ZNF430: variants seen among roughly 807,000 people sequenced by gnomAD.
The protein encoded by ZNF430 is zinc finger protein 430.
In ZNF430, 35 loss-of-function variants were observed where a neutral mutation model predicts 56.7. The ratio of observed to expected loss-of-function variants is 0.62; its 90% CI spans 0.47 to 0.82. ZNF430 has a LOEUF of 0.82. Ranked by LOEUF, ZNF430 falls within the 40% of genes least tolerant of loss-of-function variation. The pLI, the probability that ZNF430 is intolerant of heterozygous loss-of-function variation, is 0.00. For missense variants in ZNF430, 574 were observed against 661.0 expected (o/e 0.87, Z 1.44); for synonymous variants, 212 against 224.3 (o/e 0.94, Z 0.49).
intron 1 of ZNF430, among the ~76,000 whole-genome samples, chr19:21,022,398 T>C (rs1967708638): frequency 1.3e-5 from 2 of 152,220 alleles, no homozygotes; most frequent in South Asian, 4.1e-4. Flanking sequence ...TTATCACCTA[T>C]TTGTCCTTTA....
chr19:21,031,072 T>C (rs930945024), intron 2 of ZNF430, among the ~76,000 whole-genome samples: 1 of 152,048 alleles, frequency 6.6e-6, no homozygotes, highest in African/African-American at 2.4e-5. Flanking sequence ...TTAGTAGAGA[T>C]GAGGTTACAC....
At chr19:21,023,299 C>T (rs923312305) in intron 2 of ZNF430, among the ~76,000 whole-genome samples, 3 of 152,126 alleles carry the variant, frequency 2.0e-5, no homozygotes, top group South Asian at 4.1e-4. Flanking sequence ...GAGTCAGACA[C>T]ATCTGTTTTT....
intron 1 of ZNF430, 94 bp downstream of exon 1, chr19:21,020,897 C>T (rs917789998): frequency 6.5e-7 from 1 of 1,546,774 alleles, no homozygotes; most frequent in African/African-American, 1.4e-5. Flanking sequence ...TCCCGGCAGT[C>T]AGCTGCACAA....
rs1224025266 is a variant in ZNF430, at chr19:21,057,827, C to T, written c.1519C>T (p.His507Tyr). 3 of 1,613,940 alleles carry T rather than the reference C, an allele frequency of 1.9e-6. No individual in the cohort carries two copies. The South Asian group carries it at 3.3e-5, about 18-fold the overall frequency. The stretch of plus-strand genomic sequence containing the variant: ...AAACCTTACTAAACATAAGATAACT[C>T]ATATTGGAGATACATCTTACAAATA... ...FSNLTKHKIT[H>Y]IGDTSYKYLE... Residue 507 changes from histidine to tyrosine, a missense_variant, in exon 5 of 5, where the codon CAT becomes TAT. His to Tyr is a moderately conservative substitution (Grantham distance 83). This residue lies in a region of ZNF430 where 213 missense variants were observed against 221.0 expected (regional missense o/e 0.96). Coordinates refer to ENST00000261560, the MANE Select transcript of ZNF430 (RefSeq NM_025189.4).
At chr19:21,045,017 A>G (rs1381704213) in intron 4 of ZNF430, among the ~76,000 whole-genome samples, 4 of 152,160 alleles carry the variant, frequency 2.6e-5, no homozygotes, top group Non-Finnish European at 5.9e-5. Context: ...TGTTTTCAAA[A>G]AAAATAGCTC....
In ZNF430 at chr19:21,058,539, A is replaced by G. The variant is rs11880964; in HGVS notation, c.*518A>G. Reference sequence around the variant, plus strand: ...TTGACAACACCTAAAACTTTTAAACATAAAAAATCATACTGGTGAGAAATC... The same window carrying G: ...TTGACAACACCTAAAACTTTTAAACGTAAAAAATCATACTGGTGAGAAATC... On this transcript the variant is annotated 3_prime_UTR_variant, in exon 5 of 5. Transcript: ENST00000261560. 0.045 allele frequency: 7,376 copies of G among 162,870 alleles called. 573 individuals carry two copies. The highest frequency in any genetic ancestry group is 0.17 in the African/African-American group (6,946 of 41,508). 10.1% of individuals were successfully genotyped at this position (162,870 alleles called of 1,614,324 possible).
chr19:21,029,524 A>G (rs961581829), intron 2 of ZNF430, among the ~76,000 whole-genome samples: 1 of 152,250 alleles, frequency 6.6e-6, no homozygotes, highest in Non-Finnish European at 1.5e-5. Flanking sequence ...TAGGAAAAAC[A>G]GAACTGGAAA....
intron 2 of ZNF430, among the ~76,000 whole-genome samples, chr19:21,025,380 G>T (rs953010991): frequency 6.6e-6 from 1 of 152,116 alleles, no homozygotes; most frequent in Non-Finnish European, 1.5e-5. Context: ...TCCCATCTTG[G>T]TTTTGGTGAG....
Position 21,020,733 on chromosome 19 carries a change from T to C in ZNF430, c.-68T>C. ...TCTGCTCCTAGAGGTCCAGGCTCTGTGGCCCTGTGACCCGCAGGTATTGGG... is the reference window on the plus strand; with the variant it reads ...TCTGCTCCTAGAGGTCCAGGCTCTGCGGCCCTGTGACCCGCAGGTATTGGG... On this transcript the variant is annotated 5_prime_UTR_variant, in exon 1 of 5. Coordinates refer to ENST00000261560, the MANE Select transcript of ZNF430 (RefSeq NM_025189.4). The C allele has an allele frequency of 6.3e-7, 1 of 1,599,700 alleles. No individual in the cohort carries two copies. Among genetic ancestry groups the C allele is most frequent in the Non-Finnish European group, 8.6e-7 (1 of 1,167,660 alleles).
intron 2 of ZNF430, among the ~76,000 whole-genome samples, chr19:21,031,527 T>C (rs185885316): frequency 6.6e-6 from 1 of 152,228 alleles, no homozygotes; most frequent in East Asian, 1.9e-4. Context: ...ACTTTTATAT[T>C]CATAGAGCAG....
intron 4 of ZNF430, among the ~76,000 whole-genome samples, chr19:21,043,995 T>A (rs1236060303): frequency 6.7e-6 from 1 of 150,224 alleles, no homozygotes. Flanking sequence ...GCTTTTGGGC[T>A]GACATTGGGG....
At chr19:21,056,428 G>T (rs965363780) in intron 4 of ZNF430, among the ~76,000 whole-genome samples, 1 of 151,504 alleles carries the variant, frequency 6.6e-6, no homozygotes, top group Non-Finnish European at 1.5e-5. Flanking sequence ...GGCGGAGGTG[G>T]CAGTGAGCAG....
At chr19:21,046,594 A>G (rs984654890) in intron 4 of ZNF430, among the ~76,000 whole-genome samples, 1 of 152,058 alleles carries the variant, frequency 6.6e-6, no homozygotes, top group East Asian at 1.9e-4. Flanking sequence ...TCCTTTACTT[A>G]TGAAGCTTAG....
In ZNF430 at chr19:21,057,726, C is replaced by G. The variant is rs1968406353; in HGVS notation, c.1418C>G (p.Thr473Ser). The G allele has an allele frequency of 6.2e-7, 1 of 1,605,132 alleles. No individual in the cohort carries two copies. The change falls in exon 5 of 5, where the codon ACT becomes AGT. Residue 473 changes from threonine to serine, a missense_variant. Thr to Ser is a moderately conservative substitution (Grantham distance 58, BLOSUM62 1). This residue lies in a region of ZNF430 where 213 missense variants were observed against 221.0 expected (regional missense o/e 0.96). Coordinates refer to ENST00000261560, the MANE Select transcript of ZNF430 (RefSeq NM_025189.4). ...GCCTTTAACCGGTCCCCAAAACTTA[C>G]TGCACATAAGGTAATTCATTCTGGA... ...GKAFNRSPKL[T>S]AHKVIHSGEK...
At chr19:21,020,857 G>A in intron 1 of ZNF430, 54 bp downstream of exon 1, 2 of 1,612,210 alleles carry the variant, frequency 1.2e-6, no homozygotes, top group Non-Finnish European at 1.7e-6. Flanking sequence ...GTTGTAATGG[G>A]TGGGAAGTGG....
At chr19:21,043,048 T>C (rs966347478) in intron 4 of ZNF430, among the ~76,000 whole-genome samples, 1 of 23,232 alleles carries the variant, frequency 4.3e-5, no homozygotes, top group Non-Finnish European at 9.2e-5. Flanking sequence ...GTTGCAAAAA[T>C]GTTCTCCGAT....
At chr19:21,053,182 G>C (rs1968313100) in intron 4 of ZNF430, among the ~76,000 whole-genome samples, 1 of 151,946 alleles carries the variant, frequency 6.6e-6, no homozygotes, top group Non-Finnish European at 1.5e-5. Context: ...TAAATTTTTT[G>C]GTGGGGTGGA....
At chr19:21,026,274 C>T (rs1031224620) in intron 2 of ZNF430, among the ~76,000 whole-genome samples, 1 of 152,106 alleles carries the variant, frequency 6.6e-6, no homozygotes, top group Middle Eastern at 3.4e-3. Flanking sequence ...CTGCAACCTC[C>T]GCCTCCCAGG....
intron 4 of ZNF430, among the ~76,000 whole-genome samples, chr19:21,042,581 A>T (rs1968122557): frequency 1.3e-5 from 2 of 152,046 alleles, no homozygotes; most frequent in South Asian, 4.1e-4. Flanking sequence ...AAGGTCAGGA[A>T]ATTGACACCA....
Sources: allele counts gnomAD v4.1 joint callset (sites outside exome capture counted in the v4.1 genomes callset), GRCh38; gene constraint gnomAD v4.1.1; regional missense constraint gnomAD v4.1.1; transcripts MANE v1.5; gene names NCBI Gene and HGNC (gene_info 2026-07-23, HGNC 2026-07-21).